AGAP1: variants seen among roughly 807,000 people sequenced by gnomAD.
AGAP1 encodes the protein arf-GAP with GTPase, ANK repeat and PH domain-containing protein 1.
Under a neutral mutation model 105.3 loss-of-function variants are expected in AGAP1, and 29 were observed. The observed-to-expected ratio is 0.28, with a 90% confidence interval of 0.21 to 0.38. The LOEUF (loss-of-function observed/expected upper bound fraction) is 0.38, where lower values mean the gene tolerates loss of function less well. Ranked by LOEUF, AGAP1 falls within the 10% of genes least tolerant of loss-of-function variation. AGAP1 has a pLI of 1.00. For missense variants in AGAP1, 998 were observed against 1,165.1 expected (o/e 0.86, Z 2.09); for synonymous variants, 509 against 485.9 (o/e 1.05, Z -0.63).
intron 1 of AGAP1, among the ~76,000 whole-genome samples, chr2:235,704,015 C>T (rs937560239): frequency 1.3e-5 from 2 of 152,130 alleles, no homozygotes; most frequent in Admixed American, 6.5e-5. Context: ...ATTGAGAGAC[C>T]AGAAAGTTAA....
rs193084813 is a variant in AGAP1 at position 235,875,356 on chromosome 2, C to T, written c.1051-7989C>T. 3.3e-5 allele frequency among the ~76,000 whole-genome samples: 5 copies of T among 152,270 alleles called. No homozygotes were observed. In the East Asian group the frequency reaches 7.7e-4, roughly 23 times the overall value. ...CTGAGATCTTAGGATAAAAGCCCAC[C>T]GAGGTGCGAGTCTCACCATCGTGCT... On this transcript the variant is annotated intron_variant, in intron 9 of 17. Transcript: ENST00000304032. This position sits in a 1 kb window ranked among gnomAD's most constrained non-coding sequence, Gnocchi z 4.0.
chr2:235,999,531 ATGATGATAGTGGTGATGG>A (rs2055999890), intron 13 of AGAP1, among the ~76,000 whole-genome samples: 1 of 123,180 alleles, frequency 8.1e-6, no homozygotes, highest in African/African-American at 3.6e-5. Flanking sequence ...GGTGGTGATG[ATGATGATAGTGGTGATGG>A]TGATGTTGGT....
rs2055409600 is a variant in AGAP1, at chr2:235,988,309, G to T, written c.1645+19686G>T. Among the ~76,000 whole-genome samples, 1 of 152,104 alleles carries T rather than the reference G, an allele frequency of 6.6e-6. No homozygotes were observed. Among genetic ancestry groups the T allele is most frequent in the African/African-American group, 2.4e-5 (1 of 41,402 alleles). ...CCACCTGCCTCGGCCTCCCAAAGTG[G>T]TAGGATTACAGGCGTGAGCCACCGT... On this transcript the variant is annotated intron_variant, in intron 13 of 17. Transcript: ENST00000304032. This position sits in a 1 kb window ranked among gnomAD's most constrained non-coding sequence, Gnocchi z 4.7.
Position 235,934,687 on chromosome 2 carries a change from C to G in AGAP1, c.1483+3764C>G, listed in dbSNP as rs745607391. 6.6e-6 allele frequency among the ~76,000 whole-genome samples: 1 copy of G among 152,066 alleles called. No individual in the cohort carries two copies. The highest frequency in any genetic ancestry group is 1.5e-5 in the Non-Finnish European group (1 of 68,014). ...TATAAGTCCCCCCTGCCCCCACTTC[C>G]TTTTCGAATGTATCTGCCCCCATCC... is the stretch of plus-strand genomic sequence containing the variant. On this transcript the variant is annotated intron_variant, in intron 12 of 17. Transcript: ENST00000304032. The surrounding 1 kb of genome is among the most constrained non-coding windows in gnomAD (Gnocchi z 4.9).
chr2:235,741,838 C>G lies in AGAP1; in HGVS notation c.396+790C>G, dbSNP rs1286444078. 6.6e-6 allele frequency among the ~76,000 whole-genome samples: 1 copy of G among 151,620 alleles called. No homozygotes were observed. The highest frequency in any genetic ancestry group is 2.4e-5 in the African/African-American group (1 of 41,238). On this transcript the variant is annotated intron_variant, in intron 4 of 17. Coordinates refer to ENST00000304032, the MANE Select transcript of AGAP1 (RefSeq NM_001037131.3). The surrounding 1 kb of genome is among the most constrained non-coding windows in gnomAD (Gnocchi z 4.9). ...ACGTGATCTCGGCTCACTACAAGCT[C>G]CACCTCCCAGGTTCAGGCCATTCTC...
At chr2:235,826,600 C>A (rs981795168) in intron 9 of AGAP1, among the ~76,000 whole-genome samples, 11 of 152,200 alleles carry the variant, frequency 7.2e-5, no homozygotes, top group Admixed American at 1.3e-4. Context: ...CAGGCGCCCG[C>A]CACCACACCC....
chr2:235,899,505 C>A lies in AGAP1; in HGVS notation c.1156-9233C>A, dbSNP rs182143023. ...TCCAGCCTGGGCAACAAGAGCGAAA[C>A]TGTGTCTTAAAAATATATATATACT... On this transcript the variant is annotated intron_variant, in intron 10 of 17. Coordinates refer to ENST00000304032, the MANE Select transcript of AGAP1 (RefSeq NM_001037131.3). Among the ~76,000 whole-genome samples the A allele has an allele frequency of 1.1e-4, 16 of 152,300 alleles. No individual in the cohort carries two copies. The East Asian group carries it at 2.7e-3, about 26-fold the overall frequency.
At position 235,989,722 on chromosome 2, in the gene AGAP1, G is replaced by A. The variant is rs1283585474; in HGVS notation, c.1645+21099G>A. Among the ~76,000 whole-genome samples the A allele has an allele frequency of 1.3e-5, 2 of 152,194 alleles. No individual in the cohort carries two copies. The highest frequency in any genetic ancestry group is 2.9e-5 in the Non-Finnish European group (2 of 68,024). ...GAGCCCAGGAGGACGGGGAATCCCT[G>A]GAGGAGGTGGGTCAGTGGGAGGAGG... is the stretch of plus-strand genomic sequence containing the variant. On this transcript the variant is annotated intron_variant, in intron 13 of 17. Transcript: ENST00000304032. This position sits in a 1 kb window ranked among gnomAD's most constrained non-coding sequence, Gnocchi z 4.4.
At chr2:236,029,941 G>A (rs2057175568) in intron 13 of AGAP1, among the ~76,000 whole-genome samples, 1 of 152,206 alleles carries the variant, frequency 6.6e-6, no homozygotes, top group Non-Finnish European at 1.5e-5. Context: ...GTCTCACTGT[G>A]TTGCCCAGAC....
rs776237983 is a variant in AGAP1, at chr2:236,120,160, C to G, written c.2115-32C>G. On this transcript the variant is annotated intron_variant, in intron 16 of 17. Coordinates refer to ENST00000304032, the MANE Select transcript of AGAP1 (RefSeq NM_001037131.3). This position sits in a 1 kb window ranked among gnomAD's most constrained non-coding sequence, Gnocchi z 6.0. Reference sequence around the variant, plus strand: ...GGCAGCCTGTGTTCTCGGGCCTGATCGTGACTGCACCTGTCTGGTGGCTCT... The same window carrying G: ...GGCAGCCTGTGTTCTCGGGCCTGATGGTGACTGCACCTGTCTGGTGGCTCT... 3.8e-6 allele frequency: 6 copies of G among 1,587,736 alleles called. No homozygotes were observed. The highest frequency in any genetic ancestry group is 1.2e-5 in the South Asian group (1 of 86,208).
At chr2:235,968,437 T>TTG in intron 12 of AGAP1, 25 bp from the exon 13 acceptor site, 1 of 1,550,588 alleles carries the variant, frequency 6.4e-7, no homozygotes, top group Admixed American at 2.2e-5. Context: ...TTTTTTTTTT[T>TTG]TTGCCTTTTC....
At chr2:236,026,316 A>G (rs2057051868) in intron 13 of AGAP1, among the ~76,000 whole-genome samples, 1 of 152,322 alleles carries the variant, frequency 6.6e-6, no homozygotes, top group East Asian at 1.9e-4. Flanking sequence ...TGTGCTGGCC[A>G]GGGAGCCAGA....
intron 11 of AGAP1, among the ~76,000 whole-genome samples, chr2:235,929,631 G>A (rs779696046): frequency 2.6e-5 from 4 of 152,106 alleles, no homozygotes; most frequent in East Asian, 1.9e-4. Context: ...AGTGCTGCAC[G>A]GGATCGCAGT....
At position 236,126,367 on chromosome 2, in the gene AGAP1, A is replaced by G. The variant is rs2060004355; in HGVS notation, c.*2245A>G. On this transcript the variant is annotated 3_prime_UTR_variant, in exon 18 of 18. Coordinates refer to ENST00000304032, the MANE Select transcript of AGAP1 (RefSeq NM_001037131.3). ...ACACAGCCTTCACCGTAGACTCTGT[A>G]GTGGACACAGATATAGCATAAATGA... is the stretch of plus-strand genomic sequence containing the variant. 1 of 152,248 alleles carries G rather than the reference A, an allele frequency of 6.6e-6. No homozygotes were observed. The highest frequency in any genetic ancestry group is 2.1e-4 in the South Asian group (1 of 4,832). 9.4% of individuals were successfully genotyped at this position (152,248 alleles called of 1,614,324 possible). A position where few individuals can be genotyped will look rare whatever the true frequency, so the allele number is the denominator to read the frequency against.
rs889642621 is a variant in AGAP1, at chr2:236,040,098, G to A, written c.1801-653G>A. Among the ~76,000 whole-genome samples the A allele has an allele frequency of 5.9e-5, 9 of 151,984 alleles. No homozygotes were observed. Among genetic ancestry groups the A allele is most frequent in the African/African-American group, 9.7e-5 (4 of 41,362 alleles). ...TGCACCCCAGCCTCAGCCACAGAGCGAGACACTGGCTCAAAAAATAATAAT... is the reference window on the plus strand; with the variant it reads ...TGCACCCCAGCCTCAGCCACAGAGCAAGACACTGGCTCAAAAAATAATAAT... On this transcript the variant is annotated intron_variant, in intron 14 of 17. Coordinates refer to ENST00000304032, the MANE Select transcript of AGAP1 (RefSeq NM_001037131.3). This position sits in a 1 kb window ranked among gnomAD's most constrained non-coding sequence, Gnocchi z 5.6.
In AGAP1 at chr2:235,908,718, A is replaced by G. The variant is rs748168654; in HGVS notation, c.1156-20A>G. ...TTTTTTTTTTTTTTATCTCTCTTGG[A>G]TGTTTAACATTTTCAACAGGATTAC... On this transcript the variant is annotated intron_variant, in intron 10 of 17. Transcript: ENST00000304032. The surrounding 1 kb of genome is among the most constrained non-coding windows in gnomAD (Gnocchi z 4.4). The G allele has an allele frequency of 1.3e-6, 2 of 1,544,406 alleles. No individual in the cohort carries two copies. Among genetic ancestry groups the G allele is most frequent in the East Asian group, 2.3e-5 (1 of 43,840 alleles).
chr2:235,571,253 C>T (rs1266317146), intron 1 of AGAP1, among the ~76,000 whole-genome samples: 1 of 152,212 alleles, frequency 6.6e-6, no homozygotes, highest in African/African-American at 2.4e-5. Context: ...TACCGTTCGA[C>T]ATGAGGTTTG....
chr2:236,107,376 T>A (rs1559282803), intron 16 of AGAP1, among the ~76,000 whole-genome samples: 1 of 152,192 alleles, frequency 6.6e-6, no homozygotes, highest in Non-Finnish European at 1.5e-5. Flanking sequence ...TCACGCATCC[T>A]CCCTGCCGGG....
chr2:235,659,339 T>C lies in AGAP1; in HGVS notation c.164-49840T>C, dbSNP rs1575059957. On this transcript the variant is annotated intron_variant, in intron 1 of 17. Transcript: ENST00000304032. The surrounding 1 kb of genome is among the most constrained non-coding windows in gnomAD (Gnocchi z 5.0). ...TGGGGGTAGAATGGATGAACTGAAT[T>C]AACGTCTGAAGTGCCACAGTGTTGT... Among the ~76,000 whole-genome samples the C allele has an allele frequency of 6.6e-6, 1 of 152,330 alleles. No individual in the cohort carries two copies. Among genetic ancestry groups the C allele is most frequent in the East Asian group, 1.9e-4 (1 of 5,188 alleles).
Sources: gnomAD v4.1 joint callset for allele counts (sites outside exome capture counted in the v4.1 genomes callset) on GRCh38, gnomAD v4.1.1 for gene constraint, Gnocchi (gnomAD v3.1) non-coding constraint, MANE v1.5 for transcripts, NCBI Gene and HGNC (gene_info 2026-07-23, HGNC 2026-07-21) for gene names.